Variants in KMT2A observed in about 807,000 individuals in gnomAD.
KMT2A encodes the protein histone-lysine N-methyltransferase 2A.
KMT2A carries 16 observed loss-of-function variants against 345.3 expected under a neutral mutation model. The observed-to-expected ratio is 0.05, with a 90% CI of 0.03 to 0.07. The LOEUF (loss-of-function observed/expected upper bound fraction) is 0.07. Among genes scored for constraint, KMT2A ranks in the 10% least tolerant of loss-of-function variants. The pLI is 1.00. For missense variants in KMT2A, 3,272 were observed against 4,841.6 expected (o/e 0.68, Z 9.62); for synonymous variants, 1,599 against 1,778.6 (o/e 0.90, Z 2.54).
rs782623689 is a variant in KMT2A at position 118,473,564 on chromosome 11, C to G, written c.2405C>G (p.Ser802Cys). Residue 802 changes from serine (S) to cysteine (C), a missense_variant, in exon 3 of 36, where the codon TCC (serine) becomes TGC (cysteine). Ser to Cys is a moderately radical substitution (Grantham distance 112). Around this residue, in one of 27 missense-constraint regions of KMT2A, gnomAD observed 209 missense variants for 237.4 expected, o/e 0.88. Coordinates refer to ENST00000534358, the MANE Select transcript of KMT2A (RefSeq NM_001197104.2). The surrounding 1 kb of genome is among the most constrained non-coding windows in gnomAD (Gnocchi z 5.2). ...CCAACTTTTACTTTTCCTTCTCATT[C>G]CCTGACTCAGTCTGGGGAATCTGCA... ...LNPTFTFPSH[S>C]LTQSGESAEK... 2.5e-6 allele frequency: 4 copies of G among 1,614,064 alleles called. No homozygotes were observed. The Admixed American group carries it at 6.7e-5, about 27-fold the overall frequency.
In KMT2A at chr11:118,509,216, A is replaced by G. The variant is rs2134427660; in HGVS notation, c.10900+16A>G. 3 of 1,601,348 alleles carry G rather than the reference A, an allele frequency of 1.9e-6. No individual in the cohort carries two copies. Among genetic ancestry groups the G allele is most frequent in the East Asian group, 2.2e-5 (1 of 44,792 alleles). On this transcript the variant is annotated intron_variant, in intron 29 of 35. Coordinates refer to ENST00000534358, the MANE Select transcript of KMT2A (RefSeq NM_001197104.2). ...GAAAGTGCAGGTATGTGGGTGGGTAAAAGGTTAGAATCAGAGAATATCAAT... is the reference window on the plus strand; with the variant it reads ...GAAAGTGCAGGTATGTGGGTGGGTAGAAGGTTAGAATCAGAGAATATCAAT...
intron 7 of KMT2A, 65 bp downstream of exon 7, chr11:118,482,157 C>A: frequency 6.7e-7 from 1 of 1,497,002 alleles, no homozygotes; most frequent in Non-Finnish European, 8.9e-7. Flanking sequence ...ACTGATGTCT[C>A]AAACAGCATT....
Position 118,520,898 on chromosome 11 carries a change from T to C in KMT2A, c.11513+13T>C, listed in dbSNP as rs1591310492. 1 of 1,592,380 alleles carries C rather than the reference T, an allele frequency of 6.3e-7. No homozygotes were observed. The highest frequency in any genetic ancestry group is 8.6e-7 in the Non-Finnish European group (1 of 1,160,774). On this transcript the variant is annotated intron_variant, in intron 34 of 35. Transcript: ENST00000534358. This position sits in a 1 kb window ranked among gnomAD's most constrained non-coding sequence, Gnocchi z 4.3. ...TTGGTGTCTACAGGTATGACTAAAA[T>C]TCTAGAAAGAATTACAGAAAACGAA...
chr11:118,442,989 G>A (rs1555026254), intron 1 of KMT2A, among the ~76,000 whole-genome samples: 1 of 152,132 alleles, frequency 6.6e-6, no homozygotes, highest in African/African-American at 2.4e-5. Context: ...GGCTATTTTT[G>A]TTGTTGTTAT....
At chr11:118,516,802 T>G (rs1555051663) in intron 31 of KMT2A, among the ~76,000 whole-genome samples, 1 of 152,240 alleles carries the variant, frequency 6.6e-6, no homozygotes, top group Non-Finnish European at 1.5e-5. Context: ...TTTGGACACC[T>G]GCACATTGCA....
chr11:118,442,161 C>T (rs1269061170), intron 1 of KMT2A, among the ~76,000 whole-genome samples: 1 of 152,154 alleles, frequency 6.6e-6, no homozygotes, highest in Non-Finnish European at 1.5e-5. Context: ...TTCAATCGGG[C>T]CTTTTGTGAA....
chr11:118,516,831 G>A (rs2052710353), intron 31 of KMT2A, among the ~76,000 whole-genome samples: 4 of 152,126 alleles, frequency 2.6e-5, no homozygotes, highest in Admixed American at 2.6e-4. Context: ...ATACGTCTCT[G>A]CCTTCCTCTG....
intron 6 of KMT2A, 79 bp from the exon 7 acceptor site, chr11:118,481,636 A>G (rs1555039178): frequency 2.1e-6 from 3 of 1,458,812 alleles, no homozygotes; most frequent in African/African-American, 2.8e-5. Context: ...TTGCTGGATC[A>G]TATGGTGGCT....
In KMT2A at chr11:118,472,275, T is replaced by C. The variant is rs2134260185; in HGVS notation, c.1116T>C (p.Ala372=). Residue 372 remains alanine (A), a synonymous_variant, in exon 3 of 36, where the codon GCT becomes GCC. Coordinates refer to ENST00000534358, the MANE Select transcript of KMT2A (RefSeq NM_001197104.2). ...PSSKRTDATI[A]KQLLQRAKKG... ...CAAAAAGGACAGATGCAACCATTGC[T>C]AAGCAACTCTTACAGAGGGCAAAAA... 6.2e-7 allele frequency: 1 copy of C among 1,614,094 alleles called. No individual in the cohort carries two copies.
chr11:118,512,902 GCAGCATA>G (rs1451404804), intron 31 of KMT2A, among the ~76,000 whole-genome samples: 1 of 151,546 alleles, frequency 6.6e-6, no homozygotes, highest in Non-Finnish European at 1.5e-5. Flanking sequence ...TTAAATTTAG[GCAGCATA>G]CAAACTTATT....
Position 118,523,794 on chromosome 11 carries a change from A to G in KMT2A, c.*1622A>G, listed in dbSNP as rs1250869510. 4.7e-6 allele frequency: 1 copy of G among 213,990 alleles called. No homozygotes were observed. Among genetic ancestry groups the G allele is most frequent in the African/African-American group, 2.3e-5 (1 of 44,230 alleles). 13.3% of individuals were successfully genotyped at this position (213,990 alleles called of 1,614,324 possible). A position where few individuals can be genotyped will look rare whatever the true frequency, so the allele number is the denominator to read the frequency against. On this transcript the variant is annotated 3_prime_UTR_variant, in exon 36 of 36. Transcript: ENST00000534358. ...TGGAAGGTGTACTTTTTGTTGTTTA[A>G]TGTGTAGCTTGTTTGTGCCCTGTTG... is the stretch of plus-strand genomic sequence containing the variant.
rs1480988719 is a variant in KMT2A, at chr11:118,526,698, C to T, written c.*4526C>T. ...AAATAATAATGCTGAAAGCTCTCTA[C>T]GAAAGACTGAATGTAAAAGTAAAAA... On this transcript the variant is annotated 3_prime_UTR_variant, in exon 36 of 36. Transcript: ENST00000534358. 1.3e-5 allele frequency: 3 copies of T among 230,610 alleles called. No individual in the cohort carries two copies. The highest frequency in any genetic ancestry group is 1.1e-4 in the Admixed American group (2 of 17,684). 14.3% of individuals were successfully genotyped at this position (230,610 alleles called of 1,614,324 possible). A position where few individuals can be genotyped will look rare whatever the true frequency, so the allele number is the denominator to read the frequency against.
Position 118,489,902 on chromosome 11 carries a change from T to C in KMT2A, c.4575+15T>C. Reference sequence around the variant, plus strand: ...AGAAAGTCTGGGTGAGTTATACACATGATGCTCTTTTATAGAGAACCACCA... The same window carrying C: ...AGAAAGTCTGGGTGAGTTATACACACGATGCTCTTTTATAGAGAACCACCA... On this transcript the variant is annotated intron_variant, in intron 12 of 35. Transcript: ENST00000534358. 1 of 1,604,758 alleles carries C rather than the reference T, an allele frequency of 6.2e-7. No individual in the cohort carries two copies. The highest frequency in any genetic ancestry group is 8.5e-7 in the Non-Finnish European group (1 of 1,171,544).
chr11:118,506,359 G>A lies in KMT2A; in HGVS notation c.10467G>A (p.Thr3489=), dbSNP rs540999292. 10 of 1,614,100 alleles carry A rather than the reference G, an allele frequency of 6.2e-6. No individual in the cohort carries two copies. Among genetic ancestry groups the A allele is most frequent in the South Asian group, 5.5e-5 (5 of 91,084 alleles). The change falls in exon 27 of 36, where the codon ACG becomes ACA. Residue 3489 remains threonine, a synonymous_variant. Coordinates refer to ENST00000534358, the MANE Select transcript of KMT2A (RefSeq NM_001197104.2). Reference sequence around the variant, plus strand: ...CCCAGGTATCCAACTTTACCCAGACGGTAGACGCTCCTAATAGCATGGGAC... The same window carrying A: ...CCCAGGTATCCAACTTTACCCAGACAGTAGACGCTCCTAATAGCATGGGAC... The part of the protein sequence containing the change: ...SGPQVSNFTQ[T]VDAPNSMGLE...
chr11:118,499,793 C>T (rs782258416), intron 23 of KMT2A, 42 bp from the exon 24 acceptor site: 13 of 1,409,962 alleles, frequency 9.2e-6, no homozygotes, highest in East Asian at 2.3e-5. Context: ...AATAAAATGA[C>T]GCTCATAATC....
rs782781212 is a variant in KMT2A, at chr11:118,472,730, A to G, written c.1571A>G (p.Asn524Ser). 17 of 1,613,624 alleles carry G rather than the reference A, an allele frequency of 1.1e-5. No individual in the cohort carries two copies. The East Asian group carries it at 3.8e-4, about 36-fold the overall frequency. The change falls in exon 3 of 36, where the codon AAT (asparagine) becomes AGT (serine). Residue 524 changes from asparagine (N) to serine (S), a missense_variant. Around this residue, in one of 27 missense-constraint regions of KMT2A, gnomAD observed 180 missense variants for 190.7 expected, o/e 0.94. Transcript: ENST00000534358. Reference sequence around the variant, plus strand: ...TCCCAGTCCCCAGAAAATGAGAGTAATGATAGGAGAAGCAGAAGGTATTCA... The same window carrying G: ...TCCCAGTCCCCAGAAAATGAGAGTAGTGATAGGAGAAGCAGAAGGTATTCA... Reference protein sequence around the residue: ...PISQSPENESNDRRSRRYSVS... With the variant: ...PISQSPENESSDRRSRRYSVS...
intron 15 of KMT2A, among the ~76,000 whole-genome samples, chr11:118,492,455 G>A (rs748254599): frequency 5.9e-5 from 9 of 152,210 alleles, no homozygotes; most frequent in Non-Finnish European, 7.3e-5. Context: ...CGAGGCGGGC[G>A]GATCACGAGG....
intron 31 of KMT2A, among the ~76,000 whole-genome samples, chr11:118,513,429 T>C (rs1300057724): frequency 3.3e-4 from 50 of 152,106 alleles, no homozygotes; most frequent in Admixed American, 3.2e-3. Context: ...ATCAGTGATG[T>C]TCTTCCTTTA....
chr11:118,482,006 C>T lies in KMT2A; in HGVS notation c.3926C>T (p.Pro1309Leu), dbSNP rs782521960. ...SQPALVIPPQ[P>L]PTTGPPRKEV... is the part of the protein sequence containing the mutation. ...CCAGCACTGGTCATCCCGCCTCAGC[C>T]ACCTACTACAGGACCGCCAAGAAAA... Residue 1309 changes from proline (P) to leucine (L), a missense_variant, in exon 7 of 36, where the codon CCA becomes CTA. By Grantham distance (98) the Pro-to-Leu change is moderately conservative. Around this residue, in one of 27 missense-constraint regions of KMT2A, gnomAD observed 168 missense variants for 216.0 expected, o/e 0.78. Transcript: ENST00000534358. 5.0e-6 allele frequency: 8 copies of T among 1,614,104 alleles called. No individual in the cohort carries two copies. In the East Asian group the frequency reaches 1.8e-4, roughly 36 times the overall value.
Sources: allele counts gnomAD v4.1 joint callset (sites outside exome capture counted in the v4.1 genomes callset), GRCh38; gene constraint gnomAD v4.1.1; regional missense constraint gnomAD v4.1.1; non-coding constraint Gnocchi (gnomAD v3.1); transcripts MANE v1.5; gene names NCBI Gene and HGNC (gene_info 2026-07-23, HGNC 2026-07-21).